SPRED2: variants seen among roughly 807,000 people sequenced by gnomAD.
The protein encoded by SPRED2 is sprouty related EVH1 domain containing 2.
A neutral mutation model predicts 43.0 loss-of-function variants in SPRED2; 47 were observed. The observed-to-expected ratio is 1.09, with a 90% CI of 0.87 to 1.40. The LOEUF is 1.40. Among genes scored for constraint, SPRED2 ranks in the 40% most tolerant of loss-of-function variants. The pLI is 0.00. For synonymous variants in SPRED2, 225 were observed against 225.7 expected (o/e 1.00, Z 0.03); for missense variants, 561 against 586.4 (o/e 0.96, Z 0.45).
At chr2:65,380,276 C>A (rs1572882372) in intron 1 of SPRED2, among the ~76,000 whole-genome samples, 1 of 152,188 alleles carries the variant, frequency 6.6e-6, no homozygotes, top group African/African-American at 2.4e-5. Flanking sequence ...TCACTTAATA[C>A]CGTAGGTGTA....
downstream of SPRED2, among the ~76,000 whole-genome samples, chr2:65,309,087 C>T (rs567488179): frequency 3.3e-5 from 5 of 150,062 alleles, no homozygotes; most frequent in South Asian, 4.2e-4. Context: ...ACCCGGGAGG[C>T]GAAGGGTGCA....
chr2:65,366,486 G>A (rs115540570), intron 1 of SPRED2: 1 of 1,205,158 alleles, frequency 8.3e-7, no homozygotes, highest in Non-Finnish European at 1.2e-6. Context: ...TCTACAACTA[G>A]GATAAATTTT....
intron 1 of SPRED2, among the ~76,000 whole-genome samples, chr2:65,361,938 C>G (rs1051877370): frequency 6.6e-6 from 1 of 152,218 alleles, no homozygotes; most frequent in Non-Finnish European, 1.5e-5. Flanking sequence ...AACCCATCTC[C>G]TCCACTGGAT....
rs754579665 is a variant in SPRED2 at position 65,334,654 on chromosome 2, G to C, written c.324C>G (p.Ala108=). The part of the protein sequence containing the change: ...FGLTFQSPAD[A]RAFDRGVRKA... Reference sequence around the variant, plus strand: ...TCCTTACTCCCCTGTCAAAGGCTCGGGCATCAGCAGGGCTTTGGAAAGTAA... The same window carrying C: ...TCCTTACTCCCCTGTCAAAGGCTCGCGCATCAGCAGGGCTTTGGAAAGTAA... The change falls in exon 3 of 6, where the codon GCC becomes GCG. Residue 108 remains alanine (A), a synonymous_variant. Coordinates refer to ENST00000356388, the MANE Select transcript of SPRED2 (RefSeq NM_181784.3). The C allele has an allele frequency of 1.1e-5, 17 of 1,614,184 alleles. No homozygotes were observed. Among genetic ancestry groups the C allele is most frequent in the Non-Finnish European group, 1.4e-5 (17 of 1,180,030 alleles).
intron 1 of SPRED2, among the ~76,000 whole-genome samples, chr2:65,393,326 C>CG (rs111959791): frequency 7.1e-6 from 1 of 141,692 alleles, no homozygotes; most frequent in African/African-American, 2.6e-5. Flanking sequence ...AATCATAAGG[C>CG]TTTTTTTTTT....
chr2:65,368,800 T>C (rs1300976269), intron 1 of SPRED2, among the ~76,000 whole-genome samples: 1 of 152,042 alleles, frequency 6.6e-6, no homozygotes, highest in Non-Finnish European at 1.5e-5. Context: ...AAAAAGAGAT[T>C]ATTGGGTGCA....
At chr2:65,385,515 G>A (rs1187847878) in intron 1 of SPRED2, among the ~76,000 whole-genome samples, 1 of 152,188 alleles carries the variant, frequency 6.6e-6, no homozygotes, top group Non-Finnish European at 1.5e-5. Flanking sequence ...TGCCAGTGCT[G>A]CAGTGGAGGG....
chr2:65,352,960 A>T (rs1254225071), intron 1 of SPRED2, among the ~76,000 whole-genome samples: 1 of 152,130 alleles, frequency 6.6e-6, no homozygotes, highest in Non-Finnish European at 1.5e-5. Context: ...CTTCATTATC[A>T]ATTTATGTAT....
At chr2:65,367,866 G>A (rs974463070) in intron 1 of SPRED2, among the ~76,000 whole-genome samples, 1 of 152,108 alleles carries the variant, frequency 6.6e-6, no homozygotes. Context: ...AGGCCCTTTG[G>A]TAATGTGGCA....
At chr2:65,334,818 T>G (rs1355119662) in intron 2 of SPRED2, 45 bp from the exon 3 acceptor site, 2 of 1,596,640 alleles carry the variant, frequency 1.3e-6, no homozygotes, top group Non-Finnish European at 8.6e-7. Flanking sequence ...GGAACAGCCA[T>G]GATGATGTCT....
At chr2:65,360,101 A>AC (rs1674767750) in intron 1 of SPRED2, among the ~76,000 whole-genome samples, 6 of 12,606 alleles carry the variant, frequency 4.8e-4, no homozygotes, top group African/African-American at 7.6e-4. Context: ...AAAAAAAAAC[A>AC]AAAAAAAAAA....
chr2:65,415,717 ATTTT>A (rs564902830), intron 1 of SPRED2, among the ~76,000 whole-genome samples: 1 of 150,362 alleles, frequency 6.7e-6, no homozygotes, highest in Non-Finnish European at 1.5e-5. Flanking sequence ...GCTGTAGGTG[ATTTT>A]TTTTTTATTT....
chr2:65,367,640 G>A (rs1018248027), intron 1 of SPRED2, among the ~76,000 whole-genome samples: 1 of 152,138 alleles, frequency 6.6e-6, no homozygotes, highest in Non-Finnish European at 1.5e-5. Flanking sequence ...TGTTGTGAGT[G>A]TTGCATCAAC....
intron 1 of SPRED2, among the ~76,000 whole-genome samples, chr2:65,367,617 T>C (rs1010800515): frequency 6.6e-6 from 1 of 152,164 alleles, no homozygotes; most frequent in South Asian, 2.1e-4. Context: ...GTATGATACA[T>C]GTATCCTGCG....
intron 1 of SPRED2, among the ~76,000 whole-genome samples, chr2:65,356,537 T>C (rs1674654369): frequency 9.4e-6 from 1 of 106,840 alleles, no homozygotes. Context: ...CAGTTCCCTC[T>C]TTTTTTTTTT....
In SPRED2 at chr2:65,373,926, G is replaced by A. The variant is rs549153703; in HGVS notation, c.27-29030C>T. 2.0e-5 allele frequency: 3 copies of A among 152,258 alleles called. No individual in the cohort carries two copies. The South Asian group carries it at 6.2e-4, about 32-fold the overall frequency. The allele number at this position is 152,258 out of a possible 1,614,324, so 9.4% of individuals were successfully genotyped here. A position where few individuals can be genotyped will look rare whatever the true frequency, so the allele number is the denominator to read the frequency against. On this transcript the variant is annotated intron_variant, in intron 1 of 5. Transcript: ENST00000356388. ...TGTATTTTTTTCTTCATTACAAAAA[G>A]TGATAAATTCACTACAGAAAATTTA...
chr2:65,312,963 C>G lies in SPRED2; in HGVS notation c.*538G>C. 1 of 985,798 alleles carries G rather than the reference C, an allele frequency of 1.0e-6. No individual in the cohort carries two copies. Among genetic ancestry groups the G allele is most frequent in the Middle Eastern group, 5.2e-4 (1 of 1,914 alleles). The allele number at this position is 985,798 out of a possible 1,614,324, so 61.1% of individuals were successfully genotyped here. A position where few individuals can be genotyped will look rare whatever the true frequency, so the allele number is the denominator to read the frequency against. ...TTTGTTAACTAGCTCACCTCCTATA[C>G]ATAATAACTGACTGCAGGCTGAGAT... On this transcript the variant is annotated 3_prime_UTR_variant, in exon 6 of 6. Coordinates refer to ENST00000356388, the MANE Select transcript of SPRED2 (RefSeq NM_181784.3).
intron 2 of SPRED2, among the ~76,000 whole-genome samples, chr2:65,336,579 T>C (rs1673973123): frequency 6.6e-6 from 1 of 152,126 alleles, no homozygotes; most frequent in Non-Finnish European, 1.5e-5. Flanking sequence ...AATAGCACAA[T>C]GATTAAATGT....
intron 2 of SPRED2, among the ~76,000 whole-genome samples, chr2:65,335,402 C>A (rs574843091): frequency 2.0e-5 from 3 of 152,178 alleles, no homozygotes; most frequent in Non-Finnish European, 4.4e-5. Flanking sequence ...ATTAATAGAA[C>A]AATATTCAAG....
Sources: gnomAD v4.1 joint callset for allele counts (sites outside exome capture counted in the v4.1 genomes callset) on GRCh38, gnomAD v4.1.1 for gene constraint, MANE v1.5 for transcripts, NCBI Gene and HGNC (gene_info 2026-07-23, HGNC 2026-07-21) for gene names.